Variants in SBF2 observed in about 807,000 individuals in gnomAD.
The protein encoded by SBF2 is SET binding factor 2.
SBF2 carries 112 observed loss-of-function variants against 225.2 expected under a neutral mutation model. The observed-to-expected ratio is 0.50, with a 90% CI of 0.43 to 0.58. The LOEUF (loss-of-function observed/expected upper bound fraction) is 0.58, where lower values mean the gene tolerates loss of function less well. Ranked by LOEUF, SBF2 falls within the 20% of genes least tolerant of loss-of-function variation. The pLI, the probability that SBF2 is intolerant of heterozygous loss-of-function variation, is 0.00. For missense variants in SBF2, 1,996 were observed against 2,206.2 expected, an observed-to-expected ratio of 0.90 and a Z score of 1.91; for synonymous variants, 763 against 773.3, an observed-to-expected ratio of 0.99 and a Z score of 0.22.
At chr11:9,964,406 G>A (rs1304269424) in intron 14 of SBF2, among the ~76,000 whole-genome samples, 1 of 152,156 alleles carries the variant, frequency 6.6e-6, no homozygotes, top group Non-Finnish European at 1.5e-5. Context: ...AGATTCTAAT[G>A]AGACACTTAA....
At chr11:10,086,705 G>A (rs1951580610) in intron 2 of SBF2, among the ~76,000 whole-genome samples, 1 of 152,184 alleles carries the variant, frequency 6.6e-6, no homozygotes, top group Non-Finnish European at 1.5e-5. Context: ...TGAGGACACT[G>A]CAGAGATAAC....
At chr11:10,076,599 G>C (rs1361017735) in intron 2 of SBF2, among the ~76,000 whole-genome samples, 2 of 152,204 alleles carry the variant, frequency 1.3e-5, no homozygotes, top group African/African-American at 2.4e-5. Flanking sequence ...ACAATCTGAA[G>C]AAAGACTGCT....
chr11:10,005,847 C>A (rs1948165840), intron 6 of SBF2, among the ~76,000 whole-genome samples: 2 of 152,116 alleles, frequency 1.3e-5, no homozygotes, highest in African/African-American at 2.4e-5. Flanking sequence ...ACTAACCAAC[C>A]CCCAGAACAA....
chr11:9,803,027 A>T (rs1331183328), intron 32 of SBF2, among the ~76,000 whole-genome samples: 1 of 152,232 alleles, frequency 6.6e-6, no homozygotes, highest in African/African-American at 2.4e-5. Context: ...GTTTTAATTT[A>T]AAAAATTTTA....
chr11:10,284,368 C>T (rs1346126364), intron 1 of SBF2, among the ~76,000 whole-genome samples: 1 of 152,058 alleles, frequency 6.6e-6, no homozygotes, highest in Non-Finnish European at 1.5e-5. Context: ...ATTTTATCAC[C>T]ACAAAAATTC....
intron 16 of SBF2, among the ~76,000 whole-genome samples, chr11:9,927,211 C>T (rs1405873456): frequency 2.0e-5 from 3 of 152,180 alleles, no homozygotes; most frequent in Non-Finnish European, 2.9e-5. Context: ...AACCCAAATA[C>T]ATTACATCTA....
In SBF2 at chr11:9,842,634, C is replaced by T; in HGVS notation, c.3247G>A (p.Asp1083Asn). 4.3e-6 allele frequency: 7 copies of T among 1,613,994 alleles called. No homozygotes were observed. Among genetic ancestry groups the T allele is most frequent in the Non-Finnish European group, 5.9e-6 (7 of 1,179,942 alleles). The change falls in exon 25 of 40, where the codon GAT (aspartate) becomes AAT (asparagine). Residue 1083 changes from aspartate to asparagine, a missense_variant. Asp to Asn is a conservative substitution (Grantham distance 23). Coordinates refer to ENST00000256190, the MANE Select transcript of SBF2 (RefSeq NM_030962.4). ...TCAAGTTTTCACATACCAGATACAT[C>T]ATCATCTTCATTCCATCCAGGACGA... ...VNRPGWNEDD[D>N]VSVSDESELP...
intron 2 of SBF2, among the ~76,000 whole-genome samples, chr11:10,136,373 T>C (rs1033923625): frequency 6.6e-6 from 1 of 152,096 alleles, no homozygotes. Context: ...AGCTTCAGGA[T>C]GGGGAGCTGA....
chr11:10,045,010 CACAG>C (rs1197107556), intron 2 of SBF2, among the ~76,000 whole-genome samples: 1 of 152,124 alleles, frequency 6.6e-6, no homozygotes. Context: ...CTTGTCTGTG[CACAG>C]ACAAAGAGAG....
At chr11:10,143,055 T>C (rs1230725879) in intron 2 of SBF2, among the ~76,000 whole-genome samples, 1 of 152,180 alleles carries the variant, frequency 6.6e-6, no homozygotes, top group Admixed American at 6.5e-5. Flanking sequence ...TGTGAAAGTA[T>C]TCCTCTTCTT....
chr11:10,108,767 G>A (rs886229441), intron 2 of SBF2, among the ~76,000 whole-genome samples: 12 of 151,526 alleles, frequency 7.9e-5, no homozygotes, highest in East Asian at 1.9e-4. Flanking sequence ...CTCGTGATCC[G>A]CCCGCCTCTG....
intron 16 of SBF2, among the ~76,000 whole-genome samples, chr11:9,931,079 G>A (rs563201796): frequency 9.8e-5 from 15 of 152,396 alleles, no homozygotes; most frequent in South Asian, 8.3e-4. Flanking sequence ...TGCAGCTTGC[G>A]TAGGTAAACA....
At chr11:10,072,489 TA>T (rs1427772593) in intron 2 of SBF2, among the ~76,000 whole-genome samples, 2 of 152,122 alleles carry the variant, frequency 1.3e-5, no homozygotes, top group South Asian at 2.1e-4. Flanking sequence ...TTTTTTCAAT[TA>T]AAATTGACAA....
At chr11:9,867,256 C>T (rs1452279879) in intron 17 of SBF2, among the ~76,000 whole-genome samples, 2 of 151,986 alleles carry the variant, frequency 1.3e-5, no homozygotes, top group Non-Finnish European at 2.9e-5. Flanking sequence ...ATATATACAC[C>T]TACTATGTAC....
intron 2 of SBF2, among the ~76,000 whole-genome samples, chr11:10,083,720 T>C (rs1046900863): frequency 3.3e-5 from 5 of 152,040 alleles, no homozygotes; most frequent in Non-Finnish European, 1.5e-5. Flanking sequence ...TATGCAAAAA[T>C]TAATTCAAGA....
At chr11:10,202,047 T>C (rs1957587355) in intron 1 of SBF2, among the ~76,000 whole-genome samples, 1 of 152,164 alleles carries the variant, frequency 6.6e-6, no homozygotes, top group South Asian at 2.1e-4. Context: ...AACTGAGAAA[T>C]GAATACAAAC....
At chr11:9,993,166 CA>C in intron 10 of SBF2, 63 bp from the exon 11 acceptor site, 1 of 1,252,590 alleles carries the variant, frequency 8.0e-7, no homozygotes, top group Non-Finnish European at 1.2e-6. Context: ...AATATCAAGT[CA>C]AAAAGGTGAA....
chr11:10,223,399 TTATATATA>T (rs3074175), intron 1 of SBF2, among the ~76,000 whole-genome samples: 2,008 of 59,174 alleles, frequency 0.034, 83 homozygotes, highest in East Asian at 0.14. Flanking sequence ...ATTTTGCACA[TTATATATA>T]TATATATATA....
At chr11:10,102,694 G>A (rs1952361514) in intron 2 of SBF2, among the ~76,000 whole-genome samples, 1 of 152,094 alleles carries the variant, frequency 6.6e-6, no homozygotes, top group Non-Finnish European at 1.5e-5. Flanking sequence ...GGTTTGAAGG[G>A]TATTATTTTT....
Sources: gnomAD v4.1 joint callset for allele counts (sites outside exome capture counted in the v4.1 genomes callset) on GRCh38, gnomAD v4.1.1 for gene constraint, MANE v1.5 for transcripts, NCBI Gene and HGNC (gene_info 2026-07-23, HGNC 2026-07-21) for gene names.